The following PLD1 variants were observed in gnomAD, a reference collection of about 807,000 sequenced individuals.
PLD1 encodes the protein choline phosphatase 1.
In PLD1, 112 loss-of-function variants were observed where a neutral mutation model predicts 137.1. The observed-to-expected ratio is 0.82, with a 90% confidence interval of 0.70 to 0.96. The LOEUF is 0.96. Ranked by LOEUF, PLD1 falls within the 40% of genes least tolerant of loss-of-function variation. PLD1 has a pLI of 0.00. For missense variants in PLD1, 1,321 were observed against 1,342.0 expected, an observed-to-expected ratio of 0.98 and a Z score of 0.24; for synonymous variants, 431 against 454.7, an observed-to-expected ratio of 0.95 and a Z score of 0.66.
chr3:171,734,949 G>GT lies in PLD1; in HGVS notation c.455dup (p.Asn152LysfsTer17). Reference sequence around the variant, plus strand: ...GCATCTCTCGAGGCTCCTCTCTGACGTTTTGCCTCCTAAACGTGTGTCTAA... The same window carrying GT: ...GCATCTCTCGAGGCTCCTCTCTGACGTTTTTGCCTCCTAAACGTGTGTCTAA... On this transcript the variant is annotated frameshift_variant, in exon 5 of 27. Transcript: ENST00000351298. LOFTEE classifies it high-confidence loss of function. The GT allele has an allele frequency of 6.2e-7, 1 of 1,611,098 alleles. No individual in the cohort carries two copies. Among genetic ancestry groups the GT allele is most frequent in the Non-Finnish European group, 8.5e-7 (1 of 1,177,456 alleles).
intron 21 of PLD1, among the ~76,000 whole-genome samples, chr3:171,647,384 A>G (rs543470037): frequency 6.6e-6 from 1 of 152,170 alleles, no homozygotes; most frequent in East Asian, 1.9e-4. Context: ...ATTATATTTT[A>G]TGTCTTTAAA....
chr3:171,800,883 T>C (rs1443435997), intron 1 of PLD1, among the ~76,000 whole-genome samples: 1 of 152,130 alleles, frequency 6.6e-6, no homozygotes, highest in Non-Finnish European at 1.5e-5. Flanking sequence ...ACTAATCTCA[T>C]TGATAAGGGC....
At chr3:171,779,197 C>A (rs1722693380) in intron 1 of PLD1, among the ~76,000 whole-genome samples, 2 of 152,068 alleles carry the variant, frequency 1.3e-5, no homozygotes, top group South Asian at 4.1e-4. Flanking sequence ...AAGACTCTGT[C>A]TCAATGAAAA....
At chr3:171,735,374 G>T in intron 4 of PLD1, 118 bp downstream of exon 4, 1 of 818,958 alleles carries the variant, frequency 1.2e-6, no homozygotes, top group Non-Finnish European at 2.1e-6. Context: ...GACCTCAACT[G>T]ATCCTCCTGC....
intron 25 of PLD1, among the ~76,000 whole-genome samples, chr3:171,608,774 T>C (rs1343439524): frequency 1.3e-5 from 2 of 152,062 alleles, no homozygotes; most frequent in East Asian, 1.9e-4. Flanking sequence ...CAGATGTTAA[T>C]TGTAAAAAGT....
At position 171,737,528 on chromosome 3, in the gene PLD1, T is replaced by C; in HGVS notation, c.288+4A>G. ...AAAAAGGGTGAGTCCATAAACGCTCTGACCCTTGTTGTAGATGTGAAGCGT... is the reference window on the plus strand; with the variant it reads ...AAAAAGGGTGAGTCCATAAACGCTCCGACCCTTGTTGTAGATGTGAAGCGT... On this transcript the variant is annotated splice_donor_region_variant and intron_variant, in intron 3 of 26. Coordinates refer to ENST00000351298, the MANE Select transcript of PLD1 (RefSeq NM_002662.5). 1 of 1,603,268 alleles carries C rather than the reference T, an allele frequency of 6.2e-7. No homozygotes were observed. The highest frequency in any genetic ancestry group is 2.2e-5 in the East Asian group (1 of 44,834).
chr3:171,684,636 C>T (rs1714362877), intron 16 of PLD1, among the ~76,000 whole-genome samples: 1 of 152,184 alleles, frequency 6.6e-6, no homozygotes, highest in South Asian at 2.1e-4. Context: ...CCCTCTGTCA[C>T]CCAGGCTGGA....
intron 6 of PLD1, among the ~76,000 whole-genome samples, chr3:171,732,962 T>C (rs1882257): frequency 0.36 from 54,750 of 152,018 alleles, 10,961 homozygotes; most frequent in African/African-American, 0.51. Flanking sequence ...CTAGCTTTTC[T>C]CATGCTTCTC....
intron 1 of PLD1, among the ~76,000 whole-genome samples, chr3:171,794,218 T>C (rs1400076628): frequency 6.6e-6 from 1 of 152,144 alleles, no homozygotes; most frequent in Non-Finnish European, 1.5e-5. Context: ...CACATTCACA[T>C]AATTTTTATT....
Position 171,645,187 on chromosome 3 carries a change from A to G in PLD1, c.2430-164T>C, listed in dbSNP as rs360399. Among the ~76,000 whole-genome samples, 130,813 of 152,136 alleles carry G rather than the reference A, an allele frequency of 0.86. 56,707 individuals are homozygous for G. The highest frequency in any genetic ancestry group is 0.94 in the African/African-American group (38,977 of 41,526). On this transcript the variant is annotated intron_variant, in intron 21 of 26. Coordinates refer to ENST00000351298, the MANE Select transcript of PLD1 (RefSeq NM_002662.5). ...TGGGAGGGTGTGCTGTTGGACTGGAAGACAGAAGCTGTCATCCAGGCTATC... is the reference window on the plus strand; with the variant it reads ...TGGGAGGGTGTGCTGTTGGACTGGAGGACAGAAGCTGTCATCCAGGCTATC...
chr3:171,631,487 T>A (rs1734660311), intron 23 of PLD1, among the ~76,000 whole-genome samples: 1 of 152,178 alleles, frequency 6.6e-6, no homozygotes, highest in African/African-American at 2.4e-5. Context: ...AAAGTAGTGA[T>A]ATTCTAGTAG....
intron 19 of PLD1, 93 bp from the exon 20 acceptor site, chr3:171,662,263 C>T (rs191369627): frequency 6.5e-5 from 46 of 705,844 alleles, no homozygotes; most frequent in East Asian, 6.2e-4. Flanking sequence ...TTCTTCCAGA[C>T]GACTGAATGA....
chr3:171,688,935 T>A, intron 13 of PLD1, 59 bp from the exon 14 acceptor site: 1 of 1,289,348 alleles, frequency 7.8e-7, no homozygotes, highest in Non-Finnish European at 1.1e-6. Flanking sequence ...CCTGTCATAA[T>A]GAAATAGGTC....
chr3:171,708,818 T>C lies in PLD1; in HGVS notation c.1082A>G (p.Tyr361Cys). The C allele has an allele frequency of 6.3e-7, 1 of 1,590,426 alleles. No individual in the cohort carries two copies. The highest frequency in any genetic ancestry group is 8.6e-7 in the Non-Finnish European group (1 of 1,158,310). The change falls in exon 11 of 27, where the codon TAT (tyrosine) becomes TGT (cysteine). Residue 361 changes from tyrosine to cysteine, a missense_variant. By Grantham distance (194) the Tyr-to-Cys change is radical. Coordinates refer to ENST00000351298, the MANE Select transcript of PLD1 (RefSeq NM_002662.5). ...CATTGCATTTGCCACATCTTCAAAA[T>C]ATCCTTTGGCATTAACATACCTGAA... ...LAKWYVNAKG[Y>C]FEDVANAMEE...
chr3:171,653,293 G>C (rs913562207), intron 21 of PLD1: 3 of 152,226 alleles, frequency 2.0e-5, no homozygotes, highest in Admixed American at 2.0e-4. Flanking sequence ...CAATTAGAAG[G>C]CTTGCATATC....
At position 171,726,074 on chromosome 3, in the gene PLD1, T is replaced by G; in HGVS notation, c.609A>C (p.Thr203=). The part of the protein sequence containing the change: ...MPMYRNYHAT[T]EFLDISQLSF... Reference sequence around the variant, plus strand: ...ACAGCTGGCTTATATCAAGAAACTCTGTCTGAAAAGAAGCAAAAAATCCAT... The same window carrying G: ...ACAGCTGGCTTATATCAAGAAACTCGGTCTGAAAAGAAGCAAAAAATCCAT... The change falls in exon 7 of 27, where the codon ACA becomes ACC. Residue 203 remains threonine, a splice_region_variant and synonymous_variant. Transcript: ENST00000351298. The G allele has an allele frequency of 6.2e-7, 1 of 1,611,336 alleles. No individual in the cohort carries two copies. Among genetic ancestry groups the G allele is most frequent in the Non-Finnish European group, 8.5e-7 (1 of 1,177,552 alleles).
rs747332053 is a variant in PLD1 at position 171,724,703 on chromosome 3, A to G, written c.751T>C (p.Ser251Pro). Residue 251 changes from serine (S) to proline (P), a missense_variant, in exon 8 of 27, where the codon TCA (serine) becomes CCA (proline). Transcript: ENST00000351298. ...AAACTCACTAATTCCTACCTTTTTG[A>G]CCATCTGTAGCAGGCTCTTCCCTGA... ...CGQGRACYRW[S>P]KRWLIVKDSF... is the part of the protein sequence containing the mutation. 4.4e-6 allele frequency: 7 copies of G among 1,596,062 alleles called. No individual in the cohort carries two copies. Among genetic ancestry groups the G allele is most frequent in the Non-Finnish European group, 6.0e-6 (7 of 1,164,022 alleles).
intron 1 of PLD1, among the ~76,000 whole-genome samples, chr3:171,759,115 A>G: frequency 6.6e-6 from 1 of 151,836 alleles, no homozygotes; most frequent in Non-Finnish European, 1.5e-5. Context: ...TTTTTAGCAC[A>G]TATACAACAC....
At chr3:171,729,774 T>C (rs528279064) in intron 6 of PLD1, among the ~76,000 whole-genome samples, 1 of 152,334 alleles carries the variant, frequency 6.6e-6, no homozygotes, top group East Asian at 1.9e-4. Context: ...CAAATTAGTA[T>C]AGCTTTTCCC....
Sources: gnomAD v4.1 joint callset for allele counts (sites outside exome capture counted in the v4.1 genomes callset) on GRCh38, gnomAD v4.1.1 for gene constraint, MANE v1.5 for transcripts, NCBI Gene and HGNC (gene_info 2026-07-23, HGNC 2026-07-21) for gene names.